The following DPP6 variants were observed in gnomAD, a reference collection of about 807,000 sequenced individuals.
The protein encoded by DPP6 is dipeptidyl peptidase like 6.
In DPP6, 69 loss-of-function variants were observed where a neutral mutation model predicts 122.6. The ratio of observed to expected loss-of-function variants is 0.56; its 90% CI spans 0.46 to 0.69. DPP6 has a LOEUF of 0.69. DPP6 is among the 30% of genes least tolerant of loss of function. The pLI is 0.00. For synonymous variants in DPP6, 418 were observed against 433.1 expected (o/e 0.97, Z 0.43); for missense variants, 928 against 1,116.9 (o/e 0.83, Z 2.41).
intron 1 of DPP6, among the ~76,000 whole-genome samples, chr7:154,355,412 C>A (rs1393420436): frequency 6.6e-6 from 1 of 151,960 alleles, no homozygotes; most frequent in East Asian, 1.9e-4. Flanking sequence ...TTAATCTTTG[C>A]TTTTTTAGAG....
rs548706113 is a variant in DPP6, at chr7:153,985,262, A to C, written c.51+97528A>C. 8.5e-5 allele frequency among the ~76,000 whole-genome samples: 13 copies of C among 152,310 alleles called. No homozygotes were observed. In the South Asian group the frequency reaches 2.5e-3, roughly 29 times the overall value. On this transcript the variant is annotated intron_variant, in intron 1 of 25. Coordinates refer to the DPP6 transcript ENST00000404039. ...GACACTTTGAAGGGGTACAGAAATA[A>C]TCTGTGGAGGGAGAGGAATCAAGAG...
intron 7 of DPP6, among the ~76,000 whole-genome samples, chr7:154,720,135 A>G (rs1841720732): frequency 1.3e-5 from 2 of 152,228 alleles, no homozygotes; most frequent in South Asian, 2.1e-4. Context: ...GAGGCTTACA[A>G]GAGGGCAGGA....
At chr7:154,472,128 G>C (rs1822328819) in intron 2 of DPP6, among the ~76,000 whole-genome samples, 1 of 152,198 alleles carries the variant, frequency 6.6e-6, no homozygotes, top group African/African-American at 2.4e-5. Flanking sequence ...TATTGTATGA[G>C]ATAATTACTG....
Position 154,875,771 on chromosome 7 carries a change from TG to T in DPP6, c.1884-131del. ...CTCACCTGCCCGGGGCAACAGAATC[TG>T]GGGTATGGAGTTGAGCGTGTGGCAG... On this transcript the variant is annotated intron_variant, in intron 19 of 25. Coordinates refer to ENST00000377770, the MANE Select transcript of DPP6 (RefSeq NM_130797.4). This position sits in a 1 kb window ranked among gnomAD's most constrained non-coding sequence, Gnocchi z 4.5. 1 of 1,294,082 alleles carries T rather than the reference TG, an allele frequency of 7.7e-7. No individual in the cohort carries two copies. The highest frequency in any genetic ancestry group is 1.0e-6 in the Non-Finnish European group (1 of 958,826). 80.2% of individuals were successfully genotyped at this position (1,294,082 alleles called of 1,614,324 possible). A position where few individuals can be genotyped will look rare whatever the true frequency, so the allele number is the denominator to read the frequency against.
chr7:153,938,661 G>C (rs910002322), intron 1 of DPP6, among the ~76,000 whole-genome samples: 4 of 152,176 alleles, frequency 2.6e-5, no homozygotes, highest in African/African-American at 9.7e-5. Flanking sequence ...GTCCCATTTA[G>C]CCTGACTTCT....
At chr7:154,393,542 G>A (rs1814810973) in intron 1 of DPP6, among the ~76,000 whole-genome samples, 1 of 149,492 alleles carries the variant, frequency 6.7e-6, no homozygotes, top group Non-Finnish European at 1.5e-5. Context: ...CCCACACAAT[G>A]GAGATTGTTC....
chr7:154,580,960 T>C (rs1299485548), intron 5 of DPP6, among the ~76,000 whole-genome samples: 4 of 152,324 alleles, frequency 2.6e-5, no homozygotes, highest in East Asian at 1.9e-4. Flanking sequence ...CCAGTGCCTA[T>C]TGCGGCCACC....
At chr7:154,391,759 A>T (rs1475885338) in intron 1 of DPP6, among the ~76,000 whole-genome samples, 1 of 152,192 alleles carries the variant, frequency 6.6e-6, no homozygotes, top group African/African-American at 2.4e-5. Flanking sequence ...GGTGCTGATG[A>T]AGGCAGGATA....
At chr7:153,831,451 G>C in the DPP6 span, among the ~76,000 whole-genome samples, 14 of 152,166 alleles carry the variant, frequency 9.2e-5, no homozygotes, top group African/African-American at 2.9e-4. Flanking sequence ...AAGCTACGAA[G>C]AGGGACAGAG....
Position 154,637,861 on chromosome 7 carries a change from A to G in DPP6, c.668A>G (p.Lys223Arg), listed in dbSNP as rs1303021837. The G allele has an allele frequency of 2.5e-6, 4 of 1,577,046 alleles. No homozygotes were observed. Among genetic ancestry groups the G allele is most frequent in the Non-Finnish European group, 3.5e-6 (4 of 1,159,330 alleles). Residue 223 changes from lysine to arginine, a missense_variant, in exon 6 of 26, where the codon AAA becomes AGA. By Grantham distance (26) the Lys-to-Arg change is conservative. Coordinates refer to ENST00000377770, the MANE Select transcript of DPP6 (RefSeq NM_130797.4). ...HSYTGYYVLS[K>R]IPHGDPQSLD... is the part of the protein sequence containing the mutation. ...TATACTGGATATTACGTCCTGAGCA[A>G]AATTCCTCATGGGTAAGAGTGTTCT...
intron 1 of DPP6, among the ~76,000 whole-genome samples, chr7:153,920,294 G>C (rs554631730): frequency 2.0e-5 from 3 of 152,136 alleles, no homozygotes; most frequent in Non-Finnish European, 4.4e-5. Flanking sequence ...TCCTGTGTCC[G>C]GGTCTTCCCA....
intron 5 of DPP6, among the ~76,000 whole-genome samples, chr7:154,607,891 G>A (rs1441116306): frequency 8.3e-6 from 1 of 120,096 alleles, no homozygotes; most frequent in African/African-American, 2.6e-5. Context: ...TACACGGGAA[G>A]TTGGCATCTC....
chr7:153,787,370 C>T, the DPP6 span, among the ~76,000 whole-genome samples: 1 of 148,032 alleles, frequency 6.8e-6, no homozygotes, highest in African/African-American at 2.5e-5. Flanking sequence ...TATCTAAACC[C>T]TAACAGTCGT....
intron 2 of DPP6, among the ~76,000 whole-genome samples, chr7:154,446,584 G>T (rs1433213019): frequency 6.6e-6 from 1 of 152,170 alleles, no homozygotes; most frequent in Non-Finnish European, 1.5e-5. Context: ...ACTTATTCAT[G>T]CTTGATCAAC....
chr7:154,344,796 G>A (rs1262878698), intron 1 of DPP6, among the ~76,000 whole-genome samples: 3 of 152,188 alleles, frequency 2.0e-5, no homozygotes, highest in African/African-American at 7.2e-5. Flanking sequence ...GCTGAGGCAG[G>A]AGAATTGCTT....
intron 1 of DPP6, among the ~76,000 whole-genome samples, chr7:154,419,202 T>A (rs1022712333): frequency 8.5e-5 from 13 of 152,220 alleles, no homozygotes; most frequent in African/African-American, 3.1e-4. Flanking sequence ...TTTCCTTGAA[T>A]GGGCGTTTGC....
At chr7:154,105,946 G>C (rs1312460454) in intron 1 of DPP6, among the ~76,000 whole-genome samples, 5 of 149,054 alleles carry the variant, frequency 3.4e-5, no homozygotes, top group African/African-American at 7.7e-5. Flanking sequence ...GCCCCGACTC[G>C]CTTTCCCATC....
chr7:154,856,190 C>G (rs1047875747), intron 17 of DPP6, among the ~76,000 whole-genome samples: 4 of 152,224 alleles, frequency 2.6e-5, no homozygotes, highest in African/African-American at 7.2e-5. Context: ...GCATATGGCT[C>G]TTCTTACAAA....
intron 5 of DPP6, among the ~76,000 whole-genome samples, chr7:154,572,886 G>A (rs1259763867): frequency 6.6e-6 from 1 of 151,508 alleles, no homozygotes; most frequent in African/African-American, 2.4e-5. Context: ...CACCATGTTG[G>A]TTAGGCTGGT....
Sources: allele counts gnomAD v4.1 joint callset (sites outside exome capture counted in the v4.1 genomes callset), GRCh38; gene constraint gnomAD v4.1.1; non-coding constraint Gnocchi (gnomAD v3.1); transcripts MANE v1.5; gene names NCBI Gene and HGNC (gene_info 2026-07-23, HGNC 2026-07-21).